GDAP1L1: variants seen among roughly 807,000 people sequenced by gnomAD.
The protein encoded by GDAP1L1 is ganglioside-induced differentiation-associated protein 1-like 1.
In GDAP1L1, 21 loss-of-function variants were observed where a neutral mutation model predicts 37.1. That is an observed-to-expected ratio of 0.57 (90% CI 0.40 to 0.81). The LOEUF (loss-of-function observed/expected upper bound fraction) is 0.81, where lower values mean the gene tolerates loss of function less well. Among genes scored for constraint, GDAP1L1 ranks in the 40% least tolerant of loss-of-function variants. The pLI, the probability that GDAP1L1 is intolerant of heterozygous loss-of-function variation, is 0.00. For synonymous variants in GDAP1L1, 193 were observed against 209.1 expected, an observed-to-expected ratio of 0.92 and a Z score of 0.67; for missense variants, 362 against 491.6, an observed-to-expected ratio of 0.74 and a Z score of 2.49.
chr20:44,279,370 T>A lies in GDAP1L1; in HGVS notation c.*70T>A. 1.0e-6 allele frequency: 1 copy of A among 975,690 alleles called. No individual in the cohort carries two copies. Among genetic ancestry groups the A allele is most frequent in the Non-Finnish European group, 1.6e-6 (1 of 617,144 alleles). The allele number at this position is 975,690 out of a possible 1,614,324, so 60.4% of individuals were successfully genotyped here. On this transcript the variant is annotated 3_prime_UTR_variant, in exon 6 of 6. Transcript: ENST00000342560. Reference sequence around the variant, plus strand: ...TGTGTGATTCCCCGTGAGCTCTCAGTAACTCACTGTCTCATGAACACTTGG... The same window carrying A: ...TGTGTGATTCCCCGTGAGCTCTCAGAAACTCACTGTCTCATGAACACTTGG...
intron 5 of GDAP1L1, among the ~76,000 whole-genome samples, chr20:44,266,721 T>G (rs1471628920): frequency 6.6e-6 from 1 of 152,106 alleles, no homozygotes; most frequent in Non-Finnish European, 1.5e-5. Context: ...ATGCCTGGTG[T>G]CTTTGAGTCC....
At chr20:44,265,354 CCTT>C (rs1457686178) in intron 5 of GDAP1L1, 12 of 985,290 alleles carry the variant, frequency 1.2e-5, no homozygotes, top group Non-Finnish European at 1.4e-5. Context: ...TTGCCACAGC[CCTT>C]CTTCAAATCT....
intron 3 of GDAP1L1, among the ~76,000 whole-genome samples, chr20:44,259,810 T>C (rs961032534): frequency 6.6e-6 from 1 of 152,144 alleles, no homozygotes; most frequent in Non-Finnish European, 1.5e-5. Flanking sequence ...ACTCAGGATT[T>C]ACCTGTACAT....
Position 44,279,208 on chromosome 20 carries a change from C to A in GDAP1L1, c.1012C>A (p.Pro338Thr), listed in dbSNP as rs1237162158. ...TGCTTTCCGGCTGGTCAAGAGGAAA[C>A]CCCCATCCTTCTTCGGGGCGTCCTT... ...PNAFRLVKRK[P>T]PSFFGASFLM... Residue 338 changes from proline (P) to threonine (T), a missense_variant, in exon 6 of 6, where the codon CCC (proline) becomes ACC (threonine). Coordinates refer to ENST00000342560, the MANE Select transcript of GDAP1L1 (RefSeq NM_024034.6). 2 of 1,613,960 alleles carry A rather than the reference C, an allele frequency of 1.2e-6. No homozygotes were observed. Among genetic ancestry groups the A allele is most frequent in the African/African-American group, 1.3e-5 (1 of 74,912 alleles).
chr20:44,260,060 C>T (rs538800651), intron 3 of GDAP1L1, among the ~76,000 whole-genome samples: 1 of 152,294 alleles, frequency 6.6e-6, no homozygotes, highest in East Asian at 1.9e-4. Flanking sequence ...CCTGCAGTTA[C>T]ACTTGAACAT....
chr20:44,272,772 A>G (rs555455460), intron 5 of GDAP1L1, among the ~76,000 whole-genome samples: 53 of 152,264 alleles, frequency 3.5e-4, no homozygotes, highest in Non-Finnish European at 6.3e-4. Context: ...AGGCATGAAC[A>G]TAATAGTGAA....
chr20:44,263,716 T>C (rs1446039550), intron 4 of GDAP1L1, among the ~76,000 whole-genome samples: 1 of 152,152 alleles, frequency 6.6e-6, no homozygotes, highest in Non-Finnish European at 1.5e-5. Context: ...TCATGGCGGA[T>C]GCCTGTAGTC....
intron 5 of GDAP1L1, among the ~76,000 whole-genome samples, chr20:44,273,230 A>C (rs552467790): frequency 1.3e-5 from 2 of 152,296 alleles, no homozygotes; most frequent in East Asian, 3.9e-4. Context: ...GGATAATAAC[A>C]TCACCTTTAT....
chr20:44,260,323 T>C (rs2073649545), intron 3 of GDAP1L1, among the ~76,000 whole-genome samples: 1 of 150,994 alleles, frequency 6.6e-6, no homozygotes, highest in African/African-American at 2.4e-5. Context: ...CTCTCATTAG[T>C]ACTCAGAATG....
chr20:44,258,297 G>C (rs113296594), intron 2 of GDAP1L1, 137 bp from the exon 3 acceptor site: 1 of 850,180 alleles, frequency 1.2e-6, no homozygotes, highest in South Asian at 1.4e-5. Flanking sequence ...TCCCCTGTCC[G>C]CCAGCAGCCA....
At position 44,263,300 on chromosome 20, in the gene GDAP1L1, C is replaced by T. The variant is rs770647367; in HGVS notation, c.618C>T (p.Pro206=). The change falls in exon 4 of 6, where the codon CCC becomes CCT. Residue 206 remains proline (P), a synonymous_variant. Transcript: ENST00000342560. ...AAGAGGAGCCCCAGCTCTCCGAGCC[C>T]TACCTTTCTAAACAAAAGAAGCTCA... ...DHEEEPQLSE[P]YLSKQKKLMA... 1 of 1,614,060 alleles carries T rather than the reference C, an allele frequency of 6.2e-7. No individual in the cohort carries two copies. The highest frequency in any genetic ancestry group is 1.1e-5 in the South Asian group (1 of 91,072).
chr20:44,253,211 C>A (rs1050903265), intron 1 of GDAP1L1, among the ~76,000 whole-genome samples: 4 of 152,178 alleles, frequency 2.6e-5, no homozygotes, highest in Non-Finnish European at 5.9e-5. Flanking sequence ...CCTGCCCCCA[C>A]GGACATGTCA....
chr20:44,266,624 G>C (rs1016532238), intron 5 of GDAP1L1, among the ~76,000 whole-genome samples: 1 of 152,108 alleles, frequency 6.6e-6, no homozygotes, highest in Non-Finnish European at 1.5e-5. Context: ...TGCCTGTGGG[G>C]TGAGTTTCTC....
rs560486378 is a variant in GDAP1L1, at chr20:44,279,550, A to G, written c.*250A>G. 58 of 654,782 alleles carry G rather than the reference A, an allele frequency of 8.9e-5. No individual in the cohort carries two copies. Among genetic ancestry groups the G allele is most frequent in the Non-Finnish European group, 1.6e-4 (54 of 345,794 alleles). 40.6% of individuals were successfully genotyped at this position (654,782 alleles called of 1,614,324 possible). A position where few individuals can be genotyped will look rare whatever the true frequency, so the allele number is the denominator to read the frequency against. ...GAGAGAGAGAGAAAAAACAAAAAAC[A>G]GAAAACACGAATGCCTTTTCTATCG... On this transcript the variant is annotated 3_prime_UTR_variant, in exon 6 of 6. Transcript: ENST00000342560.
intron 1 of GDAP1L1, among the ~76,000 whole-genome samples, chr20:44,256,105 C>T (rs1004747026): frequency 4.6e-5 from 7 of 152,204 alleles, no homozygotes; most frequent in African/African-American, 1.4e-4. Context: ...GTTTGGGAGT[C>T]AAGAACCTTG....
At chr20:44,268,748 T>C (rs1217235859) in intron 5 of GDAP1L1, among the ~76,000 whole-genome samples, 2 of 152,186 alleles carry the variant, frequency 1.3e-5, no homozygotes, top group African/African-American at 4.8e-5. Context: ...CTGGGAACTC[T>C]TCAGGAATGG....
Position 44,279,371 on chromosome 20 carries a change from A to C in GDAP1L1, c.*71A>C, listed in dbSNP as rs2062618214. On this transcript the variant is annotated 3_prime_UTR_variant, in exon 6 of 6. Transcript: ENST00000342560. ...GTGTGATTCCCCGTGAGCTCTCAGT[A>C]ACTCACTGTCTCATGAACACTTGGA... is the stretch of plus-strand genomic sequence containing the variant. The C allele has an allele frequency of 1.0e-6, 1 of 983,308 alleles. No individual in the cohort carries two copies. The highest frequency in any genetic ancestry group is 1.6e-5 in the African/African-American group (1 of 62,462). The allele number at this position is 983,308 out of a possible 1,614,324, so 60.9% of individuals were successfully genotyped here.
At chr20:44,256,400 T>G (rs2073546444) in intron 1 of GDAP1L1, among the ~76,000 whole-genome samples, 1 of 152,186 alleles carries the variant, frequency 6.6e-6, no homozygotes, top group African/African-American at 2.4e-5. Flanking sequence ...CCAGGCACGG[T>G]GGCTAACATC....
intron 5 of GDAP1L1, chr20:44,265,472 G>A (rs2073747352): frequency 1.0e-6 from 1 of 985,266 alleles, no homozygotes; most frequent in Non-Finnish European, 1.2e-6. Context: ...GCACATGCAT[G>A]GCTATGTGTA....
Sources: gnomAD v4.1 joint callset for allele counts (sites outside exome capture counted in the v4.1 genomes callset) on GRCh38, gnomAD v4.1.1 for gene constraint, MANE v1.5 for transcripts, NCBI Gene and HGNC (gene_info 2026-07-23, HGNC 2026-07-21) for gene names.